Variants in PTPRD observed in about 807,000 individuals in gnomAD.
PTPRD encodes protein tyrosine phosphatase receptor type D.
A neutral mutation model predicts 214.5 loss-of-function variants in PTPRD; 34 were observed. The observed-to-expected ratio is 0.16, with a 90% CI of 0.12 to 0.21. PTPRD has a LOEUF of 0.21. PTPRD is among the 10% of genes least tolerant of loss of function. The probability of loss-of-function intolerance (pLI) is 1.00; values close to 1 mark genes in which losing one functional copy is unlikely to be tolerated. For missense variants in PTPRD, 2,545 were observed against 2,398.7 expected (o/e 1.06, Z -1.27); for synonymous variants, 1,128 against 845.7 (o/e 1.33, Z -5.79).
intron 7 of PTPRD, among the ~76,000 whole-genome samples, chr9:9,694,477 C>T (rs1250201898): frequency 1.3e-5 from 2 of 151,954 alleles, no homozygotes; most frequent in African/African-American, 4.8e-5. Flanking sequence ...CCTTTGTGGC[C>T]ACCACCACCA....
At chr9:9,099,105 G>T (rs1458673840) in intron 10 of PTPRD, among the ~76,000 whole-genome samples, 2 of 152,152 alleles carry the variant, frequency 1.3e-5, no homozygotes, top group Non-Finnish European at 2.9e-5. Flanking sequence ...AAATAAAATT[G>T]TGCATATGTT....
chr9:8,880,648 T>TTA (rs2098438153), intron 11 of PTPRD, among the ~76,000 whole-genome samples: 2 of 152,202 alleles, frequency 1.3e-5, no homozygotes, highest in South Asian at 4.1e-4. Context: ...ACTCATGCTG[T>TTA]TATTCCTCAT....
chr9:9,068,564 C>T (rs1476319405), intron 10 of PTPRD, among the ~76,000 whole-genome samples: 1 of 152,160 alleles, frequency 6.6e-6, no homozygotes, highest in East Asian at 1.9e-4. Flanking sequence ...TGCTAGGACA[C>T]CACATTAAAG....
chr9:10,467,430 C>G (rs2099002030), intron 2 of PTPRD, among the ~76,000 whole-genome samples: 2 of 152,120 alleles, frequency 1.3e-5, no homozygotes, highest in African/African-American at 4.8e-5. Flanking sequence ...ATCTTCTCCA[C>G]AAGTCTTACT....
chr9:10,582,948 A>G (rs1213658643), intron 2 of PTPRD, among the ~76,000 whole-genome samples: 1 of 152,220 alleles, frequency 6.6e-6, no homozygotes, highest in Non-Finnish European at 1.5e-5. Flanking sequence ...GGATAGAGGG[A>G]GGAAAAAATA....
At chr9:8,382,291 T>G (rs2085353967) in intron 37 of PTPRD, among the ~76,000 whole-genome samples, 1 of 152,170 alleles carries the variant, frequency 6.6e-6, no homozygotes. Context: ...CCCTAAACAC[T>G]AGTAAACAGA....
chr9:8,449,021 G>C (rs757579981), intron 34 of PTPRD, among the ~76,000 whole-genome samples: 1 of 152,168 alleles, frequency 6.6e-6, no homozygotes, highest in Admixed American at 6.5e-5. Flanking sequence ...ACATGCTTTA[G>C]TTGAAAAAGT....
intron 5 of PTPRD, among the ~76,000 whole-genome samples, chr9:9,886,730 C>T (rs916046176): frequency 1.3e-5 from 2 of 152,134 alleles, no homozygotes; most frequent in African/African-American, 4.8e-5. Flanking sequence ...TTAGGAAAGA[C>T]AATGCAGCCT....
intron 3 of PTPRD, among the ~76,000 whole-genome samples, chr9:10,063,396 T>C (rs1308597813): frequency 3.9e-5 from 6 of 152,026 alleles, no homozygotes; most frequent in Non-Finnish European, 7.4e-5. Flanking sequence ...AAAGTATCTA[T>C]TGATAAAAAA....
intron 39 of PTPRD, among the ~76,000 whole-genome samples, chr9:8,345,287 C>T (rs1856505637): frequency 6.6e-6 from 1 of 151,976 alleles, no homozygotes; most frequent in Non-Finnish European, 1.5e-5. Flanking sequence ...CCCTGAAGTC[C>T]TACAGTCATG....
intron 43 of PTPRD, among the ~76,000 whole-genome samples, chr9:8,336,633 A>AG (rs1476899390): frequency 6.7e-6 from 1 of 150,240 alleles, no homozygotes; most frequent in Admixed American, 6.6e-5. Flanking sequence ...CAGAGCAAAA[A>AG]AAAAAAAAAA....
chr9:9,626,408 T>C (rs1194673888), intron 7 of PTPRD, among the ~76,000 whole-genome samples: 1 of 152,180 alleles, frequency 6.6e-6, no homozygotes, highest in Admixed American at 6.5e-5. Flanking sequence ...TTAATAAATT[T>C]GTAGTAAAGA....
intron 14 of PTPRD, among the ~76,000 whole-genome samples, chr9:8,631,401 G>A (rs867347988): frequency 4.6e-5 from 7 of 151,822 alleles, no homozygotes; most frequent in South Asian, 2.1e-4. Flanking sequence ...GCTTACTGTC[G>A]CTTGCTGGTG....
At chr9:10,126,250 C>T (rs1164792617) in intron 3 of PTPRD, among the ~76,000 whole-genome samples, 1 of 152,070 alleles carries the variant, frequency 6.6e-6, no homozygotes, top group Non-Finnish European at 1.5e-5. Flanking sequence ...ACAATTACCA[C>T]CTAGTTTTAT....
intron 9 of PTPRD, among the ~76,000 whole-genome samples, chr9:9,385,959 G>C (rs2063740008): frequency 1.3e-5 from 2 of 152,012 alleles, no homozygotes; most frequent in African/African-American, 4.8e-5. Flanking sequence ...AGCCTCCTTT[G>C]TATGTGTATC....
At chr9:9,581,603 C>T (rs1241512909) in intron 7 of PTPRD, among the ~76,000 whole-genome samples, 2 of 151,862 alleles carry the variant, frequency 1.3e-5, no homozygotes, top group African/African-American at 4.8e-5. Context: ...CTAAGTGATG[C>T]AATAAAGAAA....
chr9:9,510,530 C>G (rs2096675917), intron 8 of PTPRD, among the ~76,000 whole-genome samples: 1 of 151,378 alleles, frequency 6.6e-6, no homozygotes, highest in African/African-American at 2.4e-5. Flanking sequence ...ACTTAAGGTA[C>G]TTCATTTTCA....
intron 12 of PTPRD, among the ~76,000 whole-genome samples, chr9:8,657,623 G>A (rs912903644): frequency 6.6e-6 from 1 of 152,088 alleles, no homozygotes; most frequent in Admixed American, 6.6e-5. Context: ...TTCTTTTGCT[G>A]TGCTCTTTAG....
chr9:9,688,154 A>T (rs1052558750), intron 7 of PTPRD, among the ~76,000 whole-genome samples: 21 of 151,634 alleles, frequency 1.4e-4, no homozygotes. Flanking sequence ...AGTCAATTAA[A>T]CCTCTTTTCT....
Sources: gnomAD v4.1 joint callset for allele counts (sites outside exome capture counted in the v4.1 genomes callset) on GRCh38, gnomAD v4.1.1 for gene constraint, MANE v1.5 for transcripts, NCBI Gene and HGNC (gene_info 2026-07-23, HGNC 2026-07-21) for gene names.